NSD2: variants seen among roughly 807,000 people sequenced by gnomAD.
The protein encoded by NSD2 is histone-lysine N-methyltransferase NSD2.
A neutral mutation model predicts 139.0 loss-of-function variants in NSD2; 12 were observed. That is an observed-to-expected ratio of 0.09 (90% CI 0.06 to 0.14). The LOEUF is 0.14. NSD2 is among the 10% of genes least tolerant of loss of function. The probability of loss-of-function intolerance (pLI) is 1.00; values close to 1 mark genes in which losing one functional copy is unlikely to be tolerated. For synonymous variants in NSD2, 669 were observed against 648.7 expected, an observed-to-expected ratio of 1.03 and a Z score of -0.48; for missense variants, 1,155 against 1,745.0, an observed-to-expected ratio of 0.66 and a Z score of 6.02.
At chr4:1,917,864 C>T (rs145495969) in intron 4 of NSD2, among the ~76,000 whole-genome samples, 157 of 150,604 alleles carry the variant, frequency 1.0e-3, no homozygotes, top group Middle Eastern at 3.4e-3. Context: ...TTACTGCATC[C>T]GCTGCCTCCC....
chr4:1,975,497 T>C, intron 20 of NSD2, 97 bp downstream of exon 20: 1 of 1,157,582 alleles, frequency 8.6e-7, no homozygotes, highest in Non-Finnish European at 1.3e-6. Context: ...TCCTCCAGGC[T>C]GGCTTGTTGC....
chr4:1,969,089 C>T (rs1269677651), intron 18 of NSD2, among the ~76,000 whole-genome samples: 1 of 152,202 alleles, frequency 6.6e-6, no homozygotes, highest in Non-Finnish European at 1.5e-5. Context: ...CACGGGAGTG[C>T]GGCCTGGCAG....
At position 1,973,265 on chromosome 4, in the gene NSD2, T is replaced by A. The variant is rs1726685871; in HGVS notation, c.3373-1598T>A. Among the ~76,000 whole-genome samples, 1 of 152,198 alleles carries A rather than the reference T, an allele frequency of 6.6e-6. No individual in the cohort carries two copies. The highest frequency in any genetic ancestry group is 2.4e-5 in the African/African-American group (1 of 41,448). On this transcript the variant is annotated intron_variant, in intron 18 of 21. Transcript: ENST00000508803. This position sits in a 1 kb window ranked among gnomAD's most constrained non-coding sequence, Gnocchi z 5.5. ...AACCCACAGATGAAAACTGGCCCGA[T>A]AAGAAGGAAGTGGCACTGGGCCCCG...
chr4:1,905,488 C>CT (rs905571914), intron 3 of NSD2, among the ~76,000 whole-genome samples: 3 of 152,260 alleles, frequency 2.0e-5, no homozygotes, highest in Non-Finnish European at 2.9e-5. Context: ...GGCTGGAGGC[C>CT]TGAGCTCCTG....
At chr4:1,872,619 A>AGAGAGAGAGAGAGAGAGAGAGC (rs1713928680) in intron 1 of NSD2, among the ~76,000 whole-genome samples, 1 of 145,776 alleles carries the variant, frequency 6.9e-6, no homozygotes, top group Non-Finnish European at 1.5e-5. Flanking sequence ...AGAGAGAGAG[A>AGAGAGAGAGAGAGAGAGAGAGC]GAGAGAGAGA....
chr4:1,944,962 AAACTT>A, intron 9 of NSD2: 1 of 1,064,388 alleles, frequency 9.4e-7, no homozygotes, highest in African/African-American at 1.6e-5. Context: ...AACCAATAGG[AAACTT>A]AAGCGAGGTT....
intron 6 of NSD2, among the ~76,000 whole-genome samples, chr4:1,931,399 A>T (rs1365020474): frequency 6.6e-6 from 1 of 152,220 alleles, no homozygotes; most frequent in Non-Finnish European, 1.5e-5. Context: ...GAGAGCTGAC[A>T]TTGTAAGATT....
Position 1,900,615 on chromosome 4 carries a change from T to A in NSD2, c.-29-11T>A, listed in dbSNP as rs370089941. ...CTTTTTCTTTCTTTTTTCTTTTTTT[T>A]AATACCATAGTGTTCTAAGAACGGA... On this transcript the variant is annotated splice_polypyrimidine_tract_variant and intron_variant, in intron 1 of 21. Transcript: ENST00000508803. The A allele has an allele frequency of 2.0e-6, 3 of 1,476,486 alleles. No homozygotes were observed. The highest frequency in any genetic ancestry group is 2.9e-5 in the South Asian group (2 of 69,482). The allele number at this position is 1,476,486 out of a possible 1,614,324, so 91.5% of individuals were successfully genotyped here.
At chr4:1,910,171 G>C (rs982097460) in intron 3 of NSD2, among the ~76,000 whole-genome samples, 2 of 151,956 alleles carry the variant, frequency 1.3e-5, no homozygotes, top group African/African-American at 4.8e-5. Context: ...TACAGCAGCA[G>C]AACCTGTGTT....
chr4:1,980,222 C>A lies in NSD2; in HGVS notation c.*1313C>A, dbSNP rs1727622951. 1 of 233,150 alleles carries A rather than the reference C, an allele frequency of 4.3e-6. No individual in the cohort carries two copies. Among genetic ancestry groups the A allele is most frequent in the African/African-American group, 2.2e-5 (1 of 45,354 alleles). 14.4% of individuals were successfully genotyped at this position (233,150 alleles called of 1,614,324 possible). A position where few individuals can be genotyped will look rare whatever the true frequency, so the allele number is the denominator to read the frequency against. On this transcript the variant is annotated 3_prime_UTR_variant, in exon 22 of 22. Transcript: ENST00000508803. ...TTAGTTTTTAAAAGGTCCAGTTCTA[C>A]AGAGTGAGACCTATCTATCTGAGTA...
intron 1 of NSD2, among the ~76,000 whole-genome samples, chr4:1,895,945 C>G (rs1297082581): frequency 6.6e-6 from 1 of 152,226 alleles, no homozygotes; most frequent in African/African-American, 2.4e-5. Flanking sequence ...GCACTGTGAC[C>G]ACAGACACTC....
At chr4:1,960,283 T>C (rs534114811) in intron 17 of NSD2, among the ~76,000 whole-genome samples, 4 of 152,372 alleles carry the variant, frequency 2.6e-5, no homozygotes, top group African/African-American at 9.6e-5. Context: ...TGGTTATTTT[T>C]ATGAAATGGA....
chr4:1,963,252 G>A (rs570389485), intron 18 of NSD2, among the ~76,000 whole-genome samples: 1 of 152,192 alleles, frequency 6.6e-6, no homozygotes, highest in East Asian at 1.9e-4. Flanking sequence ...CTAGGACCAT[G>A]GCGTGTAGAG....
At chr4:1,892,489 A>C (rs771574118) in intron 1 of NSD2, among the ~76,000 whole-genome samples, 1 of 152,198 alleles carries the variant, frequency 6.6e-6, no homozygotes, top group Non-Finnish European at 1.5e-5. Context: ...ATAATTCCTA[A>C]GCACTTATTT....
At chr4:1,878,147 G>T (rs1714398948) in intron 1 of NSD2, among the ~76,000 whole-genome samples, 1 of 145,578 alleles carries the variant, frequency 6.9e-6, no homozygotes, top group African/African-American at 2.5e-5. Context: ...CACAACCTCT[G>T]CTTCCTGGGT....
At chr4:1,925,772 A>ATATATAT (rs1398178074) in intron 5 of NSD2, among the ~76,000 whole-genome samples, 1 of 148,856 alleles carries the variant, frequency 6.7e-6, no homozygotes, top group African/African-American at 2.5e-5. Flanking sequence ...CTATATATAT[A>ATATATAT]TTTTTTTTTG....
intron 21 of NSD2, among the ~76,000 whole-genome samples, chr4:1,977,509 C>T (rs1293470839): frequency 1.3e-5 from 2 of 152,212 alleles, no homozygotes; most frequent in African/African-American, 4.8e-5. Context: ...GGTGCGGGGG[C>T]TCATGCCTGT....
intron 19 of NSD2, 77 bp from the exon 20 acceptor site, chr4:1,975,217 G>T: frequency 6.8e-7 from 1 of 1,468,642 alleles, no homozygotes; most frequent in South Asian, 1.2e-5. Context: ...TATTTTTGTT[G>T]ACCTAATACA....
intron 1 of NSD2, among the ~76,000 whole-genome samples, chr4:1,871,861 C>T (rs1185241036): frequency 1.8e-5 from 2 of 112,784 alleles, no homozygotes; most frequent in East Asian, 2.8e-4. Context: ...CGGGCGGCGG[C>T]GGCTAACGGG....
Sources: allele counts gnomAD v4.1 joint callset (sites outside exome capture counted in the v4.1 genomes callset), GRCh38; gene constraint gnomAD v4.1.1; non-coding constraint Gnocchi (gnomAD v3.1); transcripts MANE v1.5; gene names NCBI Gene and HGNC (gene_info 2026-07-23, HGNC 2026-07-21).